Variants in ARHGAP18 observed in about 807,000 individuals in gnomAD.
ARHGAP18 encodes the protein Rho GTPase activating protein 18, also known as rho GTPase-activating protein 18.
ARHGAP18 carries 67 observed loss-of-function variants against 86.2 expected under a neutral mutation model. The observed-to-expected ratio is 0.78, with a 90% confidence interval of 0.64 to 0.95. ARHGAP18 has a LOEUF of 0.95. Among genes scored for constraint, ARHGAP18 ranks in the 40% least tolerant of loss-of-function variants. The pLI is 0.00. For synonymous variants in ARHGAP18, 283 were observed against 280.4 expected (o/e 1.01, Z -0.09); for missense variants, 691 against 780.4 (o/e 0.89, Z 1.37).
chr6:129,636,192 A>C (rs567662680), intron 3 of ARHGAP18, among the ~76,000 whole-genome samples: 1 of 152,250 alleles, frequency 6.6e-6, no homozygotes, highest in South Asian at 2.1e-4. Context: ...GTGGTAAGCA[A>C]GTGCTTAACT....
At chr6:129,676,808 T>C (rs961492596) in intron 1 of ARHGAP18, among the ~76,000 whole-genome samples, 9 of 148,524 alleles carry the variant, frequency 6.1e-5, no homozygotes, top group Admixed American at 2.0e-4. Context: ...CAAACGAGAC[T>C]CAAAGTCCCT....
intron 4 of ARHGAP18, among the ~76,000 whole-genome samples, chr6:129,631,615 AT>A (rs1307547422): frequency 6.6e-6 from 1 of 152,154 alleles, no homozygotes; most frequent in Admixed American, 6.5e-5. Flanking sequence ...AATTTCTGTC[AT>A]CTAGTCTCTT....
chr6:129,640,063 A>AC (rs1773421031), intron 2 of ARHGAP18, among the ~76,000 whole-genome samples: 2 of 138,876 alleles, frequency 1.4e-5, no homozygotes, highest in African/African-American at 2.8e-5. Context: ...AAAAAAAAAA[A>AC]ACAAACAAAA....
rs562379546 is a variant in ARHGAP18 at position 129,653,026 on chromosome 6, T to C, written c.114-11008A>G. Among the ~76,000 whole-genome samples the C allele has an allele frequency of 3.9e-5, 6 of 152,184 alleles. No individual in the cohort carries two copies. The East Asian group carries it at 7.7e-4, about 20-fold the overall frequency. Reference sequence around the variant, plus strand: ...GTGAATTTAAAAAAAAATCTGATAATAACGAAAGCTACATACACACCATAT... The same window carrying C: ...GTGAATTTAAAAAAAAATCTGATAACAACGAAAGCTACATACACACCATAT... On this transcript the variant is annotated intron_variant, in intron 1 of 14. Coordinates refer to ENST00000368149, the MANE Select transcript of ARHGAP18 (RefSeq NM_033515.3).
intron 1 of ARHGAP18, among the ~76,000 whole-genome samples, chr6:129,648,391 T>C (rs1773627833): frequency 6.6e-6 from 1 of 151,912 alleles, no homozygotes; most frequent in Non-Finnish European, 1.5e-5. Flanking sequence ...CTGGAACTCC[T>C]GGCCTCAGGC....
intron 1 of ARHGAP18, among the ~76,000 whole-genome samples, chr6:129,692,030 T>C (rs1774538645): frequency 6.6e-6 from 1 of 152,184 alleles, no homozygotes; most frequent in East Asian, 1.9e-4. Context: ...CTCTGCAAAG[T>C]GACAGAGGAG....
chr6:129,678,518 G>A (rs1172075383), intron 1 of ARHGAP18, among the ~76,000 whole-genome samples: 1 of 152,160 alleles, frequency 6.6e-6, no homozygotes, highest in Admixed American at 6.5e-5. Context: ...AGGTATCTGG[G>A]GGAAAATTGT....
intron 11 of ARHGAP18, among the ~76,000 whole-genome samples, chr6:129,599,650 G>C (rs1225923563): frequency 6.6e-6 from 1 of 152,058 alleles, no homozygotes. Context: ...TGCCAGACTG[G>C]AGACCCCCTG....
In ARHGAP18 at chr6:129,616,235, G is replaced by A. The variant is rs753480406; in HGVS notation, c.1021C>T (p.Arg341Ter). Reference protein sequence around the residue: ...EQDQRKVPGMRIPLIFQKLIS... With the variant: ...EQDQRKVPGM The stretch of plus-strand genomic sequence containing the variant: ...ACTTTTTGAAAGATCAAGGGTATTC[G>A]CATTCCTGGTACTTTCCTCTGATCT... Residue 341 changes from arginine to a stop codon, truncating the protein, a stop_gained, in exon 7 of 15, where the codon CGA becomes TGA. Transcript: ENST00000368149. LOFTEE classifies it high-confidence loss of function. 1.1e-5 allele frequency: 18 copies of A among 1,610,892 alleles called. No individual in the cohort carries two copies. Among genetic ancestry groups the A allele is most frequent in the East Asian group, 6.7e-5 (3 of 44,814 alleles).
intron 1 of ARHGAP18, among the ~76,000 whole-genome samples, chr6:129,656,727 C>G (rs557840354): frequency 6.6e-6 from 1 of 152,202 alleles, no homozygotes; most frequent in African/African-American, 2.4e-5. Context: ...CAGTCTTTTG[C>G]TATGCCTCAT....
chr6:129,645,716 G>C (rs1773565321), intron 1 of ARHGAP18, among the ~76,000 whole-genome samples: 1 of 152,156 alleles, frequency 6.6e-6, no homozygotes, highest in Admixed American at 6.6e-5. Context: ...CTAGCTTGCT[G>C]TACAAGTCAC....
intron 1 of ARHGAP18, among the ~76,000 whole-genome samples, chr6:129,645,846 CT>C (rs775544111): frequency 1.2e-4 from 19 of 152,150 alleles, no homozygotes; most frequent in Non-Finnish European, 2.1e-4. Context: ...TCTTTTCCAT[CT>C]TGCTAGCATG....
chr6:129,601,628 T>A (rs1012652468), intron 10 of ARHGAP18, among the ~76,000 whole-genome samples: 1 of 136,194 alleles, frequency 7.3e-6, no homozygotes, highest in Admixed American at 7.7e-5. Context: ...AAAGAGAATC[T>A]TTCTTTTTTT....
At chr6:129,594,616 GCAC>G (rs1408858883) in intron 12 of ARHGAP18, among the ~76,000 whole-genome samples, 1 of 152,058 alleles carries the variant, frequency 6.6e-6, no homozygotes, top group Non-Finnish European at 1.5e-5. Flanking sequence ...ACTCACACAG[GCAC>G]GTTAACCCAA....
chr6:129,628,324 G>A (rs776122705), intron 5 of ARHGAP18, among the ~76,000 whole-genome samples: 5 of 152,150 alleles, frequency 3.3e-5, no homozygotes, highest in Non-Finnish European at 7.3e-5. Context: ...GTGTCAGCCA[G>A]TAAGTGTAGA....
intron 12 of ARHGAP18, among the ~76,000 whole-genome samples, chr6:129,588,121 C>CT (rs398066269): frequency 0.13 from 19,110 of 142,494 alleles, 1,417 homozygotes; most frequent in East Asian, 0.3. Flanking sequence ...GTCACCAAAT[C>CT]TTTTTTTTTT....
chr6:129,610,111 T>C lies in ARHGAP18; in HGVS notation c.1122+1422A>G, dbSNP rs1443147875. On this transcript the variant is annotated intron_variant, in intron 8 of 14. Transcript: ENST00000368149. ...TTTTCAAATTCAGGAAGACAATGTA[T>C]TGGATGTGGGCAGTGGTTACTTGTG... Among the ~76,000 whole-genome samples, 5 of 152,182 alleles carry C rather than the reference T, an allele frequency of 3.3e-5. No homozygotes were observed. The East Asian group carries it at 7.7e-4, about 23-fold the overall frequency.
intron 1 of ARHGAP18, among the ~76,000 whole-genome samples, chr6:129,671,295 C>G (rs1774136918): frequency 1.3e-5 from 2 of 152,194 alleles, no homozygotes; most frequent in South Asian, 4.2e-4. Context: ...TTATATTTAC[C>G]TATAGAATGA....
At chr6:129,646,153 G>A (rs1355739664) in intron 1 of ARHGAP18, among the ~76,000 whole-genome samples, 1 of 152,142 alleles carries the variant, frequency 6.6e-6, no homozygotes, top group Admixed American at 6.6e-5. Flanking sequence ...TCAGCAAAAT[G>A]AAATGGAAAC....
Sources: gnomAD v4.1 joint callset for allele counts (sites outside exome capture counted in the v4.1 genomes callset) on GRCh38, gnomAD v4.1.1 for gene constraint, MANE v1.5 for transcripts, NCBI Gene and HGNC (gene_info 2026-07-23, HGNC 2026-07-21) for gene names.